Variants in TRAK2 observed in about 807,000 individuals in gnomAD.
TRAK2 encodes trafficking kinesin protein 2.
A neutral mutation model predicts 104.6 loss-of-function variants in TRAK2; 81 were observed. That is an observed-to-expected ratio of 0.77 (90% CI 0.65 to 0.93). TRAK2 has a LOEUF of 0.93. TRAK2 is among the 40% of genes least tolerant of loss of function. The pLI, the probability that TRAK2 is intolerant of heterozygous loss-of-function variation, is 0.00. For synonymous variants in TRAK2, 406 were observed against 394.4 expected, an observed-to-expected ratio of 1.03 and a Z score of -0.35; for missense variants, 1,002 against 1,089.0, an observed-to-expected ratio of 0.92 and a Z score of 1.12.
In TRAK2 at chr2:201,395,907, A is replaced by T. The variant is rs572461063; in HGVS notation, c.770-463T>A. On this transcript the variant is annotated intron_variant, in intron 7 of 15. Coordinates refer to ENST00000332624, the MANE Select transcript of TRAK2 (RefSeq NM_015049.3). ...AACATTTCCAGAATGGAACAGTCAC[A>T]ATCTATAACAGAATGTGATAAAGCT... Among the ~76,000 whole-genome samples, 19 of 152,356 alleles carry T rather than the reference A, an allele frequency of 1.2e-4. No homozygotes were observed. The East Asian group carries it at 3.7e-3, about 29-fold the overall frequency.
chr2:201,380,633 CCT>C lies in TRAK2; in HGVS notation c.2653_2654del (p.Arg885GlufsTer11), dbSNP rs1177840682. 7.4e-6 allele frequency: 12 copies of C among 1,613,946 alleles called. No homozygotes were observed. The highest frequency in any genetic ancestry group is 8.5e-6 in the Non-Finnish European group (10 of 1,179,992). ...NSGSSLLGGL[R>X]RNQSLPVIMG... ...TTATGACTGGAAGACTCTGATTCCT[CCT>C]TAGTCCACCTAATAAACTGCTACCT... On this transcript the variant is annotated frameshift_variant, in exon 16 of 16. Transcript: ENST00000332624. LOFTEE classifies it high-confidence loss of function.
At chr2:201,386,545 AC>A (rs1951392903) in intron 13 of TRAK2, 61 bp from the exon 14 acceptor site, 1 of 1,575,242 alleles carries the variant, frequency 6.3e-7, no homozygotes, top group Non-Finnish European at 8.7e-7. Flanking sequence ...AAATCTTAAA[AC>A]ACAAGCTAAA....
chr2:201,449,770 G>A (rs932910404), intron 1 of TRAK2, among the ~76,000 whole-genome samples: 2 of 151,528 alleles, frequency 1.3e-5, no homozygotes, highest in African/African-American at 2.4e-5. Flanking sequence ...CTTAGCCTCC[G>A]AGTAGCTGGG....
At chr2:201,426,409 G>T (rs1487658977) in intron 1 of TRAK2, among the ~76,000 whole-genome samples, 3 of 152,146 alleles carry the variant, frequency 2.0e-5, no homozygotes, top group African/African-American at 7.2e-5. Flanking sequence ...ACATTATGGT[G>T]AGTTGTATAA....
chr2:201,397,347 T>G (rs1951511283), intron 7 of TRAK2, among the ~76,000 whole-genome samples, 155 bp downstream of exon 7: 1 of 152,204 alleles, frequency 6.6e-6, no homozygotes, highest in South Asian at 2.1e-4. Context: ...TATTTAGGGT[T>G]GTAGGCTCAA....
chr2:201,442,666 T>C (rs1341651425), intron 1 of TRAK2, among the ~76,000 whole-genome samples: 4 of 152,192 alleles, frequency 2.6e-5, no homozygotes, highest in Non-Finnish European at 5.9e-5. Flanking sequence ...TACCACATCT[T>C]TTCTCACTTA....
chr2:201,395,826 T>C (rs1011175941), intron 7 of TRAK2, among the ~76,000 whole-genome samples: 4 of 152,194 alleles, frequency 2.6e-5, no homozygotes, highest in African/African-American at 4.8e-5. Flanking sequence ...GAGAACTCTT[T>C]AGGGACATAA....
intron 2 of TRAK2, chr2:201,412,806 A>C (rs1409537445): frequency 2.0e-6 from 2 of 990,002 alleles, no homozygotes; most frequent in Non-Finnish European, 3.2e-6. Context: ...TCACACTGCT[A>C]TGCAAGAATG....
At chr2:201,443,098 A>C (rs1055774475) in intron 1 of TRAK2, among the ~76,000 whole-genome samples, 1 of 152,120 alleles carries the variant, frequency 6.6e-6, no homozygotes, top group Non-Finnish European at 1.5e-5. Context: ...ACAATTAAAA[A>C]AACCCCTACC....
chr2:201,420,222 T>C (rs1017976011), intron 2 of TRAK2, among the ~76,000 whole-genome samples, 195 bp downstream of exon 2: 1 of 152,102 alleles, frequency 6.6e-6, no homozygotes, highest in Non-Finnish European at 1.5e-5. Flanking sequence ...AGACAGGAAA[T>C]AACATGAAAG....
intron 2 of TRAK2, 61 bp downstream of exon 2, chr2:201,420,356 G>T: frequency 7.2e-7 from 1 of 1,383,592 alleles, no homozygotes; most frequent in Non-Finnish European, 1.0e-6. Flanking sequence ...ATGCTGGACT[G>T]AGGCATTTGC....
rs1380036891 is a variant in TRAK2 at position 201,380,552 on chromosome 2, C to T, written c.2736G>A (p.Lys912=). 5 of 1,613,474 alleles carry T rather than the reference C, an allele frequency of 3.1e-6. No individual in the cohort carries two copies. In the Admixed American group the frequency reaches 5.0e-5, roughly 16 times the overall value. The change falls in exon 16 of 16, where the codon AAG becomes AAA. Residue 912 remains lysine (K), a synonymous_variant. Transcript: ENST00000332624. ...AGTTAACTGCTGAACCTCAGTCCTCCTTCAGGACACCCATTTTGGGTGAGG... is the reference window on the plus strand; with the variant it reads ...AGTTAACTGCTGAACCTCAGTCCTCTTTCAGGACACCCATTTTGGGTGAGG... ...CTSSPKMGVL[K]ED
Position 201,398,130 on chromosome 2 carries a change from T to G in TRAK2, c.690+15A>C. 6.2e-7 allele frequency: 1 copy of G among 1,611,116 alleles called. No individual in the cohort carries two copies. The highest frequency in any genetic ancestry group is 8.5e-7 in the Non-Finnish European group (1 of 1,177,548). On this transcript the variant is annotated intron_variant, in intron 6 of 15. Transcript: ENST00000332624. ...CCTTTAAAGTAAAGGAAAATGGCAA[T>G]TAGGTTGAACGTACCTTGGATCGAA...
Position 201,378,745 on chromosome 2 carries a change from A to G in TRAK2, c.*1798T>C, listed in dbSNP as rs1459319776. 6.6e-6 allele frequency: 1 copy of G among 152,212 alleles called. No homozygotes were observed. Among genetic ancestry groups the G allele is most frequent in the East Asian group, 1.9e-4 (1 of 5,204 alleles). The allele number at this position is 152,212 out of a possible 1,614,324, so 9.4% of individuals were successfully genotyped here. ...CTGAGTGAAGGGGAACGAAAGGGAG[A>G]GACCATCTTCACCCTTTGTTTTTGT... is the stretch of plus-strand genomic sequence containing the variant. On this transcript the variant is annotated 3_prime_UTR_variant, in exon 16 of 16. Transcript: ENST00000332624.
intron 8 of TRAK2, 62 bp downstream of exon 8, chr2:201,395,252 C>T (rs752581594): frequency 2.8e-6 from 4 of 1,422,212 alleles, no homozygotes; most frequent in African/African-American, 2.8e-5. Flanking sequence ...TAGCACTTAG[C>T]ATGGTGCAAG....
At chr2:201,386,156 G>T in intron 14 of TRAK2, 62 bp downstream of exon 14, 1 of 1,581,618 alleles carries the variant, frequency 6.3e-7, no homozygotes, top group Non-Finnish European at 8.7e-7. Context: ...TGACTGTCTA[G>T]TAAGTCAGAA....
intron 1 of TRAK2, among the ~76,000 whole-genome samples, chr2:201,441,083 T>C (rs1951916732): frequency 2.6e-5 from 4 of 152,208 alleles, no homozygotes; most frequent in Admixed American, 2.6e-4. Flanking sequence ...TGAACAAAGT[T>C]GATATTAATA....
chr2:201,446,928 C>A (rs1951969362), intron 1 of TRAK2, among the ~76,000 whole-genome samples: 1 of 152,166 alleles, frequency 6.6e-6, no homozygotes, highest in Non-Finnish European at 1.5e-5. Flanking sequence ...CAGCTATATA[C>A]AAATTCTTTC....
At chr2:201,407,379 T>G in intron 3 of TRAK2, 24 bp downstream of exon 3, 1 of 1,596,486 alleles carries the variant, frequency 6.3e-7, no homozygotes, top group East Asian at 2.3e-5. Context: ...ATGCACAAAC[T>G]AAAAGAGTAA....
Sources: gnomAD v4.1 joint callset for allele counts (sites outside exome capture counted in the v4.1 genomes callset) on GRCh38, gnomAD v4.1.1 for gene constraint, MANE v1.5 for transcripts, NCBI Gene and HGNC (gene_info 2026-07-23, HGNC 2026-07-21) for gene names.